The following CERS6 variants were observed in gnomAD, a reference collection of about 807,000 sequenced individuals.
The protein encoded by CERS6 is ceramide synthase 6.
A neutral mutation model predicts 56.8 loss-of-function variants in CERS6; 26 were observed. The observed-to-expected ratio is 0.46, with a 90% CI of 0.34 to 0.63. The LOEUF (loss-of-function observed/expected upper bound fraction) is 0.63, where lower values mean the gene tolerates loss of function less well. Among genes scored for constraint, CERS6 ranks in the 30% least tolerant of loss-of-function variants. The pLI is 0.01. For synonymous variants in CERS6, 164 were observed against 173.3 expected, an observed-to-expected ratio of 0.95 and a Z score of 0.42; for missense variants, 415 against 467.5, an observed-to-expected ratio of 0.89 and a Z score of 1.04.
chr2:168,588,361 C>T (rs970660939), intron 3 of CERS6, among the ~76,000 whole-genome samples: 10 of 152,114 alleles, frequency 6.6e-5, no homozygotes, highest in African/African-American at 2.2e-4. Context: ...CTCTAGAACT[C>T]TTTTTATCTT....
intron 8 of CERS6, among the ~76,000 whole-genome samples, chr2:168,750,350 A>G (rs1684227287): frequency 6.6e-6 from 1 of 152,252 alleles, no homozygotes; most frequent in Non-Finnish European, 1.5e-5. Flanking sequence ...AATACTCATT[A>G]TAGAAATTTT....
rs562883542 is a variant in CERS6 at position 168,735,977 on chromosome 2, G to A, written c.845+17999G>A. ...TCCCAGCACTTTGGGACACTGAGGC[G>A]AAAGGACTGCTTGAGGCCAGGAGTT... On this transcript the variant is annotated intron_variant, in intron 8 of 9. Coordinates refer to ENST00000305747, the MANE Select transcript of CERS6 (RefSeq NM_203463.3). 2.8e-3 allele frequency among the ~76,000 whole-genome samples: 433 copies of A among 152,048 alleles called. 2 individuals carry two copies. The highest frequency in any genetic ancestry group is 5.1e-3 in the Non-Finnish European group (346 of 67,974).
chr2:168,529,472 A>G (rs1039761450), intron 1 of CERS6, among the ~76,000 whole-genome samples: 1 of 152,184 alleles, frequency 6.6e-6, no homozygotes, highest in Admixed American at 6.5e-5. Flanking sequence ...GTGGTAGATC[A>G]GGAGTAAAAC....
At chr2:168,729,175 A>T (rs1175848329) in intron 8 of CERS6, among the ~76,000 whole-genome samples, 1 of 152,184 alleles carries the variant, frequency 6.6e-6, no homozygotes, top group Non-Finnish European at 1.5e-5. Flanking sequence ...TTTACCATCT[A>T]GGGAGAAAAT....
intron 4 of CERS6, among the ~76,000 whole-genome samples, chr2:168,653,085 C>A (rs551666663): frequency 3.3e-5 from 5 of 152,296 alleles, no homozygotes; most frequent in African/African-American, 1.2e-4. Context: ...CTTATCAGGT[C>A]ATTGGAAGTA....
intron 3 of CERS6, among the ~76,000 whole-genome samples, chr2:168,630,328 G>A (rs6714686): frequency 0.015 from 1,170 of 77,030 alleles, 8 homozygotes; most frequent in African/African-American, 0.045. Flanking sequence ...ACACACACAC[G>A]CACACATCTT....
At chr2:168,470,518 G>A (rs1259258925) in intron 1 of CERS6, among the ~76,000 whole-genome samples, 1 of 152,140 alleles carries the variant, frequency 6.6e-6, no homozygotes, top group African/African-American at 2.4e-5. Flanking sequence ...GCTTCTGAGG[G>A]CAGAACTGTG....
intron 3 of CERS6, among the ~76,000 whole-genome samples, chr2:168,621,168 A>T (rs1684462077): frequency 6.6e-6 from 1 of 152,222 alleles, no homozygotes; most frequent in South Asian, 2.1e-4. Context: ...AAAATTGCAT[A>T]GAGCCTTGAT....
chr2:168,630,717 G>C, intron 3 of CERS6, among the ~76,000 whole-genome samples: 1 of 152,154 alleles, frequency 6.6e-6, no homozygotes, highest in Middle Eastern at 3.4e-3. Flanking sequence ...TCACATGTTG[G>C]AGAATGAGAA....
intron 3 of CERS6, among the ~76,000 whole-genome samples, chr2:168,590,444 G>A (rs1225648413): frequency 6.6e-6 from 1 of 152,086 alleles, no homozygotes; most frequent in Non-Finnish European, 1.5e-5. Flanking sequence ...TATACATTGT[G>A]GGTAATTCTA....
chr2:168,501,319 G>T (rs76702492), intron 1 of CERS6, among the ~76,000 whole-genome samples: 3,351 of 152,264 alleles, frequency 0.022, 136 homozygotes, highest in East Asian at 0.18. Flanking sequence ...AACAATATTT[G>T]ATAAGGCTGT....
chr2:168,505,683 C>T (rs1028984749), intron 1 of CERS6, among the ~76,000 whole-genome samples: 3 of 152,136 alleles, frequency 2.0e-5, no homozygotes, highest in Non-Finnish European at 4.4e-5. Flanking sequence ...TATTAAAGAT[C>T]AGTTTCTCCC....
Position 168,693,330 on chromosome 2 carries a change from A to G in CERS6, c.517-1629A>G, listed in dbSNP as rs563348447. Reference sequence around the variant, plus strand: ...ATTAACATGTGAGTGAGCATTGTCAACTGCAAAGCACTCGTCGGACATAGT... The same window carrying G: ...ATTAACATGTGAGTGAGCATTGTCAGCTGCAAAGCACTCGTCGGACATAGT... On this transcript the variant is annotated intron_variant, in intron 5 of 9. Transcript: ENST00000305747. Among the ~76,000 whole-genome samples, 208 of 152,284 alleles carry G rather than the reference A, an allele frequency of 1.4e-3. 1 individual carries two copies. The highest frequency in any genetic ancestry group is 2.5e-3 in the Non-Finnish European group (167 of 68,022).
chr2:168,727,742 A>T (rs1362826384), intron 8 of CERS6, among the ~76,000 whole-genome samples: 1 of 152,194 alleles, frequency 6.6e-6, no homozygotes, highest in African/African-American at 2.4e-5. Context: ...TTAGTCTCAG[A>T]CTTCACACAT....
At position 168,495,339 on chromosome 2, in the gene CERS6, A is replaced by G. The variant is rs138039274; in HGVS notation, c.170+38721A>G. On this transcript the variant is annotated intron_variant, in intron 1 of 9. Transcript: ENST00000305747. The stretch of plus-strand genomic sequence containing the variant: ...AGTCAAAAGTAAAGTGTTTTATTTA[A>G]AGTCAAAACAATAGTCACCTGAGGT... Among the ~76,000 whole-genome samples, 82 of 152,326 alleles carry G rather than the reference A, an allele frequency of 5.4e-4. No homozygotes were observed. In the Middle Eastern group the frequency reaches 0.01, roughly 19 times the overall value.
chr2:168,665,199 A>G (rs1045075269), intron 4 of CERS6, among the ~76,000 whole-genome samples: 1 of 152,184 alleles, frequency 6.6e-6, no homozygotes, highest in African/African-American at 2.4e-5. Context: ...GTAAACAGCC[A>G]CAAATTCTAC....
chr2:168,487,919 C>A (rs539355009), intron 1 of CERS6, among the ~76,000 whole-genome samples: 24 of 152,140 alleles, frequency 1.6e-4, no homozygotes, highest in Middle Eastern at 3.4e-3. Context: ...AGGGTGTTGC[C>A]ATGTTGCCCA....
intron 3 of CERS6, among the ~76,000 whole-genome samples, chr2:168,581,544 C>CTTTTTTATTT (rs1483078264): frequency 1.3e-5 from 2 of 152,060 alleles, no homozygotes; most frequent in African/African-American, 4.8e-5. Flanking sequence ...TCACTAATTC[C>CTTTTTTATTT]CTTTTAACTA....
At position 168,537,796 on chromosome 2, in the gene CERS6, A is replaced by T. The variant is rs115198186; in HGVS notation, c.171-9800A>T. Among the ~76,000 whole-genome samples the T allele has an allele frequency of 9.3e-3, 1,416 of 152,252 alleles. 13 individuals carry two copies. The highest frequency in any genetic ancestry group is 0.023 in the South Asian group (112 of 4,814). On this transcript the variant is annotated intron_variant, in intron 1 of 9. Transcript: ENST00000305747. ...ATTTCTATCCCTTGCCCAAGCCTAA[A>T]CTTCATACTAGCATATCCAACTGCC... is the stretch of plus-strand genomic sequence containing the variant.
Sources: allele counts gnomAD v4.1 joint callset (sites outside exome capture counted in the v4.1 genomes callset), GRCh38; gene constraint gnomAD v4.1.1; transcripts MANE v1.5; gene names NCBI Gene and HGNC (gene_info 2026-07-23, HGNC 2026-07-21).